Variants in ERC2 observed in about 807,000 individuals in gnomAD.
ERC2 encodes ERC protein 2.
ERC2 carries 42 observed loss-of-function variants against 114.8 expected under a neutral mutation model. That is an observed-to-expected ratio of 0.37 (90% CI 0.29 to 0.47). The LOEUF (loss-of-function observed/expected upper bound fraction) is 0.47, where lower values mean the gene tolerates loss of function less well. ERC2 is among the 20% of genes least tolerant of loss of function. The pLI, the probability that ERC2 is intolerant of heterozygous loss-of-function variation, is 0.99. For missense variants in ERC2, 939 were observed against 1,150.7 expected (o/e 0.82, Z 2.66); for synonymous variants, 454 against 425.5 (o/e 1.07, Z -0.82).
At chr3:56,078,054 A>T (rs535295370) in intron 7 of ERC2, among the ~76,000 whole-genome samples, 1 of 152,334 alleles carries the variant, frequency 6.6e-6, no homozygotes, top group South Asian at 2.1e-4. Context: ...TCCTTAGAAC[A>T]TGCTCCAAGA....
At chr3:56,365,986 C>T (rs1217154182) in intron 2 of ERC2, among the ~76,000 whole-genome samples, 2 of 152,212 alleles carry the variant, frequency 1.3e-5, no homozygotes, top group Non-Finnish European at 2.9e-5. Context: ...TAACAGAACT[C>T]TGACCTACAA....
chr3:56,190,555 C>T (rs1473373078), intron 3 of ERC2, among the ~76,000 whole-genome samples: 1 of 152,186 alleles, frequency 6.6e-6, no homozygotes, highest in Admixed American at 6.5e-5. Flanking sequence ...CCACCTCAGC[C>T]TCCCAAGTAA....
intron 17 of ERC2, among the ~76,000 whole-genome samples, chr3:55,603,236 G>C (rs2058487627): frequency 6.6e-6 from 1 of 152,160 alleles, no homozygotes; most frequent in Non-Finnish European, 1.5e-5. Flanking sequence ...TAAAATAATA[G>C]CCTGTTATTG....
At chr3:56,337,667 C>T (rs896746296) in intron 2 of ERC2, among the ~76,000 whole-genome samples, 3 of 152,214 alleles carry the variant, frequency 2.0e-5, no homozygotes, top group Non-Finnish European at 2.9e-5. Flanking sequence ...AAATTGGCCA[C>T]CTTTTTTGGA....
chr3:55,932,550 T>C (rs1287793075), intron 13 of ERC2, among the ~76,000 whole-genome samples: 3 of 152,150 alleles, frequency 2.0e-5, no homozygotes, highest in Non-Finnish European at 4.4e-5. Flanking sequence ...CCCCCAAATA[T>C]TTGCATGGCT....
At chr3:55,574,113 G>A (rs984369285) in intron 17 of ERC2, among the ~76,000 whole-genome samples, 1 of 152,174 alleles carries the variant, frequency 6.6e-6, no homozygotes, top group Non-Finnish European at 1.5e-5. Context: ...CCAGGGCTTT[G>A]CATGTGCTAT....
chr3:56,229,397 A>G (rs187305216), intron 3 of ERC2, among the ~76,000 whole-genome samples: 268 of 152,292 alleles, frequency 1.8e-3, no homozygotes, highest in Non-Finnish European at 1.2e-3. Context: ...TTTCACAGAT[A>G]AAGGCAGTTT....
At chr3:55,945,567 T>A (rs1317806244) in intron 13 of ERC2, among the ~76,000 whole-genome samples, 1 of 152,160 alleles carries the variant, frequency 6.6e-6, no homozygotes, top group Non-Finnish European at 1.5e-5. Context: ...ATTTTTGAGG[T>A]TTATGTTGTT....
At chr3:55,593,994 C>G (rs1417847555) in intron 17 of ERC2, among the ~76,000 whole-genome samples, 1 of 152,186 alleles carries the variant, frequency 6.6e-6, no homozygotes. Context: ...TCCTGCCCAG[C>G]CTTCTTCATC....
intron 14 of ERC2, among the ~76,000 whole-genome samples, chr3:55,737,398 C>T (rs1441780169): frequency 3.9e-5 from 6 of 152,190 alleles, no homozygotes; most frequent in Non-Finnish European, 8.8e-5. Context: ...GACATGCTTG[C>T]GGCTCCCAGC....
chr3:55,687,300 C>T (rs2062382984), intron 16 of ERC2, among the ~76,000 whole-genome samples: 1 of 151,962 alleles, frequency 6.6e-6, no homozygotes, highest in Admixed American at 6.6e-5. Flanking sequence ...AAATGAATGG[C>T]CCAGTGTAAA....
chr3:55,906,276 C>G (rs2064433886), intron 13 of ERC2, among the ~76,000 whole-genome samples: 1 of 151,522 alleles, frequency 6.6e-6, no homozygotes, highest in African/African-American at 2.4e-5. Context: ...ACTAAAAATA[C>G]AAAAAATTAG....
chr3:55,963,377 A>C (rs1407048280), intron 12 of ERC2, among the ~76,000 whole-genome samples: 1 of 152,222 alleles, frequency 6.6e-6, no homozygotes, highest in Non-Finnish European at 1.5e-5. Flanking sequence ...AAGAGTTTGG[A>C]GATAACAAAG....
chr3:56,250,556 G>A (rs1207529447), intron 3 of ERC2, among the ~76,000 whole-genome samples: 1 of 152,192 alleles, frequency 6.6e-6, no homozygotes, highest in East Asian at 1.9e-4. Context: ...AACTGGAACA[G>A]AAGAGCAAGC....
chr3:56,099,266 G>A (rs561394058), intron 6 of ERC2, among the ~76,000 whole-genome samples: 1 of 152,282 alleles, frequency 6.6e-6, no homozygotes, highest in East Asian at 1.9e-4. Flanking sequence ...CTGATTTCTG[G>A]TTTCCAGAAC....
intron 2 of ERC2, among the ~76,000 whole-genome samples, chr3:56,393,412 A>G (rs1198284230): frequency 1.3e-5 from 2 of 152,184 alleles, no homozygotes; most frequent in African/African-American, 4.8e-5. Context: ...ATAAAATAAA[A>G]TGAAATGTCA....
chr3:55,574,356 T>C (rs2056870145), intron 17 of ERC2, among the ~76,000 whole-genome samples: 1 of 152,176 alleles, frequency 6.6e-6, no homozygotes, highest in Admixed American at 6.5e-5. Context: ...CAAAGTCCCT[T>C]GATAAAACAA....
At chr3:56,233,029 T>C (rs368008992) in intron 3 of ERC2, among the ~76,000 whole-genome samples, 1 of 152,334 alleles carries the variant, frequency 6.6e-6, no homozygotes, top group South Asian at 2.1e-4. Context: ...TGCAACTAAA[T>C]ACAACTAAAT....
intron 17 of ERC2, among the ~76,000 whole-genome samples, chr3:55,588,875 C>T (rs959784615): frequency 6.6e-5 from 10 of 152,058 alleles, no homozygotes; most frequent in African/African-American, 2.2e-4. Context: ...CAGCCTGCCT[C>T]GAGTGTGTGG....
Sources: allele counts gnomAD v4.1 joint callset (sites outside exome capture counted in the v4.1 genomes callset), GRCh38; gene constraint gnomAD v4.1.1; transcripts MANE v1.5; gene names NCBI Gene and HGNC (gene_info 2026-07-23, HGNC 2026-07-21).